Variants in TDRD12 observed in about 807,000 individuals in gnomAD.
TDRD12 encodes tudor domain containing 12.
A neutral mutation model predicts 133.5 loss-of-function variants in TDRD12; 158 were observed. The observed-to-expected ratio is 1.18, with a 90% CI of 1.04 to 1.35. The LOEUF (loss-of-function observed/expected upper bound fraction) is 1.35, where lower values mean the gene tolerates loss of function less well. TDRD12 is among the 40% of genes most tolerant of loss of function. TDRD12 has a pLI of 0.00. For missense variants in TDRD12, 1,443 were observed against 1,321.3 expected (o/e 1.09, Z -1.43); for synonymous variants, 460 against 477.9 (o/e 0.96, Z 0.49).
At chr19:32,735,803 C>G (rs1466593427) in intron 2 of TDRD12, among the ~76,000 whole-genome samples, 2 of 151,884 alleles carry the variant, frequency 1.3e-5, no homozygotes, top group African/African-American at 4.8e-5. Flanking sequence ...AACCCTGTCT[C>G]TACTAAAAAT....
intron 2 of TDRD12, among the ~76,000 whole-genome samples, chr19:32,733,810 C>T (rs1041116322): frequency 2.0e-5 from 3 of 152,154 alleles, no homozygotes; most frequent in Admixed American, 1.3e-4. Context: ...ATAGAACTTT[C>T]CCTGATCTCT....
chr19:32,813,563 T>C (rs1181481615), intron 24 of TDRD12, 121 bp from the exon 25 acceptor site: 9 of 606,644 alleles, frequency 1.5e-5, no homozygotes, highest in Non-Finnish European at 2.6e-5. Flanking sequence ...CTCTGTGATC[T>C]CATAGCATTA....
intron 3 of TDRD12, among the ~76,000 whole-genome samples, chr19:32,740,014 G>A (rs1969366230): frequency 9.4e-6 from 1 of 106,854 alleles, no homozygotes; most frequent in Non-Finnish European, 1.9e-5. Flanking sequence ...TGCATCTCCT[G>A]GGTACTCTCT....
At chr19:32,811,077 T>G (rs1365570820) in intron 23 of TDRD12, 133 bp from the exon 24 acceptor site, 1 of 685,296 alleles carries the variant, frequency 1.5e-6, no homozygotes, top group Non-Finnish European at 2.4e-6. Context: ...GGCCTTAGTT[T>G]TTTATTTCTA....
At chr19:32,762,197 T>C (rs1271712672) in intron 8 of TDRD12, among the ~76,000 whole-genome samples, 3 of 152,206 alleles carry the variant, frequency 2.0e-5, no homozygotes, top group Non-Finnish European at 2.9e-5. Flanking sequence ...TTTAATGAAG[T>C]CCAGCTGATC....
chr19:32,735,864 G>C (rs567268862), intron 2 of TDRD12, among the ~76,000 whole-genome samples: 24 of 152,212 alleles, frequency 1.6e-4, no homozygotes, highest in Non-Finnish European at 3.1e-4. Context: ...CAGCTACTGG[G>C]GAGGCTGAGG....
chr19:32,826,321 A>G lies in TDRD12; in HGVS notation c.860A>G (p.Tyr287Cys), dbSNP rs1967588274. ...ATAAGAATAAGGAATGTAAAGGACTACAAGTGTCAGTATTTAAGGGATAGA... is the reference window on the plus strand; with the variant it reads ...ATAAGAATAAGGAATGTAAAGGACTGCAAGTGTCAGTATTTAAGGGATAGA... The change falls in exon 8 of 10, where the codon TAC (tyrosine) becomes TGC (cysteine). Residue 287 changes from tyrosine (Y) to cysteine (C), a missense_variant. By Grantham distance (194) the Tyr-to-Cys change is radical. Transcript: ENST00000637289. 8.6e-6 allele frequency: 12 copies of G among 1,387,310 alleles called. No homozygotes were observed. The East Asian group carries it at 2.5e-4, about 29-fold the overall frequency. 85.9% of individuals were successfully genotyped at this position (1,387,310 alleles called of 1,614,324 possible).
intron 8 of TDRD12, among the ~76,000 whole-genome samples, chr19:32,769,124 T>C (rs1970375520): frequency 6.6e-6 from 1 of 152,182 alleles, no homozygotes; most frequent in Admixed American, 6.5e-5. Flanking sequence ...ATTTTCTTAA[T>C]GGTATTTTTC....
chr19:32,777,189 A>T, exon 11 of TDRD12: 1 of 1,542,390 alleles, frequency 6.5e-7, no homozygotes, highest in South Asian at 1.2e-5. Context: ...TCTTAGATTG[A>T]CTGAGAAGAA....
chr19:32,803,738 C>T (rs1971466045), intron 21 of TDRD12, among the ~76,000 whole-genome samples: 1 of 152,172 alleles, frequency 6.6e-6, no homozygotes, highest in Admixed American at 6.5e-5. Context: ...CCCCAACCCT[C>T]ACCAGCGCTT....
At chr19:32,816,513 C>A (rs1358819241) in intron 26 of TDRD12, among the ~76,000 whole-genome samples, 2 of 152,198 alleles carry the variant, frequency 1.3e-5, no homozygotes, top group African/African-American at 4.8e-5. Context: ...TATGAATATA[C>A]CATTATTTGT....
In TDRD12 at chr19:32,811,227, T is replaced by C. The variant is rs1233115852; in HGVS notation, c.2855T>C (p.Val952Ala). 2.6e-6 allele frequency: 4 copies of C among 1,536,040 alleles called. No individual in the cohort carries two copies. The East Asian group carries it at 7.3e-5, about 28-fold the overall frequency. ...CTCTCCAGGGTTCAGGTGTTGGAAG[T>C]GAACCAAAAAGAAGACGCCTGGGCC... The change falls in exon 24 of 28, where the codon GTG becomes GCG. Residue 952 changes from valine to alanine, a missense_variant. Val to Ala is a moderately conservative substitution (Grantham distance 64). Coordinates refer to ENST00000444215, the Ensembl canonical transcript of TDRD12.
At chr19:32,762,890 A>T (rs969194186) in intron 8 of TDRD12, among the ~76,000 whole-genome samples, 1 of 152,240 alleles carries the variant, frequency 6.6e-6, no homozygotes, top group Non-Finnish European at 1.5e-5. Flanking sequence ...CCTACTACAC[A>T]TATAGGCAAT....
intron 12 of TDRD12, 176 bp from the exon 13 acceptor site, chr19:32,790,788 T>A (rs893366795): frequency 8.7e-6 from 13 of 1,485,950 alleles, no homozygotes; most frequent in Non-Finnish European, 1.2e-5. Flanking sequence ...TTTTGGATAA[T>A]AAACGATCTT....
chr19:32,802,876 G>A (rs1397917354), intron 20 of TDRD12, 46 bp from the exon 21 acceptor site: 1 of 1,528,170 alleles, frequency 6.5e-7, no homozygotes, highest in Non-Finnish European at 8.8e-7. Context: ...TCCTCAGTCA[G>A]ACTGGGATAG....
chr19:32,742,553 G>C (rs2145482231), intron 3 of TDRD12, among the ~76,000 whole-genome samples: 1 of 152,184 alleles, frequency 6.6e-6, no homozygotes, highest in Non-Finnish European at 1.5e-5. Flanking sequence ...CCATATCCGT[G>C]CTTTATGTAT....
At chr19:32,815,524 G>A in exon 26 of TDRD12, 1 of 1,536,260 alleles carries the variant, frequency 6.5e-7, no homozygotes, top group Non-Finnish European at 8.7e-7. Context: ...TTGTCCATGG[G>A]CATGGGCATT....
At chr19:32,737,754 G>GTA (rs781591197) in intron 2 of TDRD12, among the ~76,000 whole-genome samples, 6 of 152,172 alleles carry the variant, frequency 3.9e-5, no homozygotes, top group Admixed American at 1.3e-4. Context: ...GAATTTGGCA[G>GTA]TAAACAAAAC....
chr19:32,801,172 C>T lies in TDRD12; in HGVS notation c.2079+400C>T, dbSNP rs1382282941. Reference sequence around the variant, plus strand: ...CTGGAAGCCAGGAGTTCAAGACCAGCCTGGGCAACATAGTGAAACCCTGTC... The same window carrying T: ...CTGGAAGCCAGGAGTTCAAGACCAGTCTGGGCAACATAGTGAAACCCTGTC... On this transcript the variant is annotated intron_variant, in intron 18 of 27. Coordinates refer to ENST00000444215, the Ensembl canonical transcript of TDRD12. 4.7e-5 allele frequency among the ~76,000 whole-genome samples: 7 copies of T among 150,136 alleles called. No homozygotes were observed. In the South Asian group the frequency reaches 1.5e-3, roughly 32 times the overall value.
Sources: allele counts gnomAD v4.1 joint callset (sites outside exome capture counted in the v4.1 genomes callset), GRCh38; gene constraint gnomAD v4.1.1; transcripts MANE v1.5; gene names NCBI Gene and HGNC (gene_info 2026-07-23, HGNC 2026-07-21).